Variants in KCNK12 observed in about 807,000 individuals in gnomAD.
KCNK12 encodes the protein potassium two pore domain channel subfamily K member 12.
Under a neutral mutation model 25.3 loss-of-function variants are expected in KCNK12, and 6 were observed. That is an observed-to-expected ratio of 0.24 (90% CI 0.13 to 0.47). KCNK12 has a LOEUF of 0.47. KCNK12 is among the 20% of genes least tolerant of loss of function. The pLI is 0.99. For synonymous variants in KCNK12, 331 were observed against 311.1 expected, an observed-to-expected ratio of 1.06 and a Z score of -0.67; for missense variants, 444 against 661.7, an observed-to-expected ratio of 0.67 and a Z score of 3.61.
chr2:47,534,567 A>G (rs902728277), intron 1 of KCNK12, among the ~76,000 whole-genome samples: 1 of 103,888 alleles, frequency 9.6e-6, no homozygotes. Context: ...ATCTCAGCCC[A>G]GAATTTTGGG....
Position 47,515,896 on chromosome 2 carries a change from A to G in KCNK12, c.*5011T>C, listed in dbSNP as rs1668513979. ...TGACACTGTGGGAAGGACCCCATGC[A>G]GAAGCAATAGGGCAGCCTGGTCCCA... On this transcript the variant is annotated 3_prime_UTR_variant, in exon 2 of 2. Transcript: ENST00000327876. Among the ~76,000 whole-genome samples, 2 of 152,262 alleles carry G rather than the reference A, an allele frequency of 1.3e-5. No individual in the cohort carries two copies. The highest frequency in any genetic ancestry group is 2.4e-5 in the African/African-American group (1 of 41,464).
intron 1 of KCNK12, among the ~76,000 whole-genome samples, chr2:47,545,914 CTTT>C (rs541242406): frequency 3.4e-5 from 5 of 145,076 alleles, no homozygotes; most frequent in African/African-American, 1.0e-4. Flanking sequence ...CACTTAACTT[CTTT>C]TTTTTTTTTT....
In KCNK12 at chr2:47,525,485, G is replaced by A. The variant is rs1384849918; in HGVS notation, c.392-3677C>T. Among the ~76,000 whole-genome samples the A allele has an allele frequency of 6.6e-6, 1 of 152,250 alleles. No homozygotes were observed. Among genetic ancestry groups the A allele is most frequent in the African/African-American group, 2.4e-5 (1 of 41,462 alleles). ...GCAGTGTCCCCTGGAGTCCAGAGCT[G>A]TGCTGGAGAGTTCTCTGGGTGGGAG... is the stretch of plus-strand genomic sequence containing the variant. On this transcript the variant is annotated intron_variant, in intron 1 of 1. Transcript: ENST00000327876. This position sits in a 1 kb window ranked among gnomAD's most constrained non-coding sequence, Gnocchi z 4.1.
At chr2:47,564,119 G>A (rs1298532020) in intron 1 of KCNK12, 1 of 231,808 alleles carries the variant, frequency 4.3e-6, no homozygotes, top group African/African-American at 2.2e-5. Flanking sequence ...GCTTGTTCGG[G>A]AGGCAGCTCA....
Position 47,538,565 on chromosome 2 carries a change from G to A in KCNK12, c.392-16757C>T, listed in dbSNP as rs1669127070. Reference sequence around the variant, plus strand: ...ACAGGTGGATCACTTGAGGTCAGGAGTTTGAGACCAGCCTGGCCAACATGG... The same window carrying A: ...ACAGGTGGATCACTTGAGGTCAGGAATTTGAGACCAGCCTGGCCAACATGG... On this transcript the variant is annotated intron_variant, in intron 1 of 1. Coordinates refer to ENST00000327876, the MANE Select transcript of KCNK12 (RefSeq NM_022055.2). The surrounding 1 kb of genome is among the most constrained non-coding windows in gnomAD (Gnocchi z 4.5). Among the ~76,000 whole-genome samples, 4 of 152,198 alleles carry A rather than the reference G, an allele frequency of 2.6e-5. No individual in the cohort carries two copies. Among genetic ancestry groups the A allele is most frequent in the Non-Finnish European group, 2.9e-5 (2 of 68,032 alleles).
rs1163905616 is a variant in KCNK12, at chr2:47,520,204, C to G, written c.*703G>C. ...CCCTCCTCACAGGTGCCCTGGACCG[C>G]CCACCATTAGAAGTAGCTGCCCTGT... is the stretch of plus-strand genomic sequence containing the variant. On this transcript the variant is annotated 3_prime_UTR_variant, in exon 2 of 2. Coordinates refer to ENST00000327876, the MANE Select transcript of KCNK12 (RefSeq NM_022055.2). The surrounding 1 kb of genome is among the most constrained non-coding windows in gnomAD (Gnocchi z 5.0). The G allele has an allele frequency of 3.9e-5, 6 of 152,298 alleles. No individual in the cohort carries two copies. Among genetic ancestry groups the G allele is most frequent in the Non-Finnish European group, 7.3e-5 (5 of 68,110 alleles). 9.4% of individuals were successfully genotyped at this position (152,298 alleles called of 1,614,324 possible).
chr2:47,567,557 G>A (rs1669808470), intron 1 of KCNK12, among the ~76,000 whole-genome samples: 1 of 152,186 alleles, frequency 6.6e-6, no homozygotes, highest in Non-Finnish European at 1.5e-5. Flanking sequence ...TTATCTGACT[G>A]ATGGAAGTGA....
intron 1 of KCNK12, among the ~76,000 whole-genome samples, chr2:47,537,315 T>G (rs1242649676): frequency 6.6e-6 from 1 of 151,316 alleles, no homozygotes. Context: ...TGCTCAGTTG[T>G]GAAAATGGGT....
chr2:47,539,743 G>A (rs891281870), intron 1 of KCNK12, among the ~76,000 whole-genome samples: 7 of 152,244 alleles, frequency 4.6e-5, no homozygotes, highest in Admixed American at 4.6e-4. Context: ...GGCTGCAGAA[G>A]GAGCCGAAAG....
chr2:47,531,263 A>T (rs1339302103), intron 1 of KCNK12, among the ~76,000 whole-genome samples: 2 of 152,134 alleles, frequency 1.3e-5, no homozygotes, highest in Non-Finnish European at 2.9e-5. Flanking sequence ...GCTTGAGCCC[A>T]GGAGTTCAAG....
intron 1 of KCNK12, chr2:47,564,607 C>A (rs1051348025): frequency 2.3e-4 from 42 of 186,344 alleles, no homozygotes; most frequent in African/African-American, 9.8e-4. Flanking sequence ...TTTCTTTTTC[C>A]TACAAAAGGC....
Position 47,510,146 on chromosome 2 carries a change from C to G in KCNK12, c.*10761G>C, listed in dbSNP as rs907874245. ...GAGAGCATTTTTTACCTTCTCCCTG[C>G]TACTTCTTGCTACTAGTAACATGGA... On this transcript the variant is annotated 3_prime_UTR_variant, in exon 2 of 2. Transcript: ENST00000327876. 3.9e-5 allele frequency: 6 copies of G among 152,158 alleles called. No individual in the cohort carries two copies. The highest frequency in any genetic ancestry group is 5.9e-5 in the Non-Finnish European group (4 of 68,024). The allele number at this position is 152,158 out of a possible 1,614,324, so 9.4% of individuals were successfully genotyped here. A position where few individuals can be genotyped will look rare whatever the true frequency, so the allele number is the denominator to read the frequency against.
intron 1 of KCNK12, chr2:47,527,822 C>CT (rs1464840743): frequency 6.6e-6 from 1 of 152,298 alleles, no homozygotes; most frequent in Admixed American, 6.5e-5. Flanking sequence ...CAACATCCAC[C>CT]TATTCATTCC....
chr2:47,558,721 G>C (rs943191772), intron 1 of KCNK12, among the ~76,000 whole-genome samples: 4 of 152,208 alleles, frequency 2.6e-5, no homozygotes, highest in Admixed American at 2.6e-4. Flanking sequence ...GTGCGATTCG[G>C]AGTTTGCGTT....
In KCNK12 at chr2:47,533,505, C is replaced by T. The variant is rs1441641249; in HGVS notation, c.392-11697G>A. On this transcript the variant is annotated intron_variant, in intron 1 of 1. Coordinates refer to ENST00000327876, the MANE Select transcript of KCNK12 (RefSeq NM_022055.2). This position sits in a 1 kb window ranked among gnomAD's most constrained non-coding sequence, Gnocchi z 4.7. Reference sequence around the variant, plus strand: ...CAGGCAAGGAATGGGCAAATCACGACATGACATATGGATTTCCATGGCAGG... The same window carrying T: ...CAGGCAAGGAATGGGCAAATCACGATATGACATATGGATTTCCATGGCAGG... 2.0e-5 allele frequency among the ~76,000 whole-genome samples: 3 copies of T among 152,226 alleles called. No individual in the cohort carries two copies. Among genetic ancestry groups the T allele is most frequent in the African/African-American group, 4.8e-5 (2 of 41,456 alleles).
At position 47,517,142 on chromosome 2, in the gene KCNK12, G is replaced by GT. The variant is rs1206532974; in HGVS notation, c.*3764dup. ...GTGTGTATGTGGAATTGTGCTTTTT[G>GT]TTTTTTAAGAATGTAAAAAGTTACA... On this transcript the variant is annotated 3_prime_UTR_variant, in exon 2 of 2. Coordinates refer to ENST00000327876, the MANE Select transcript of KCNK12 (RefSeq NM_022055.2). This position sits in a 1 kb window ranked among gnomAD's most constrained non-coding sequence, Gnocchi z 4.1. The GT allele has an allele frequency of 6.6e-6, 1 of 152,184 alleles. No individual in the cohort carries two copies. The highest frequency in any genetic ancestry group is 6.5e-5 in the Admixed American group (1 of 15,274). 9.4% of individuals were successfully genotyped at this position (152,184 alleles called of 1,614,324 possible). A position where few individuals can be genotyped will look rare whatever the true frequency, so the allele number is the denominator to read the frequency against.
At chr2:47,563,134 C>G (rs536731060) in intron 1 of KCNK12, 40 of 233,344 alleles carry the variant, frequency 1.7e-4, no homozygotes, top group African/African-American at 7.7e-4. Context: ...TTACTGAACA[C>G]TTACCCAAGG....
At chr2:47,546,257 T>C (rs529694006) in intron 1 of KCNK12, among the ~76,000 whole-genome samples, 7 of 152,358 alleles carry the variant, frequency 4.6e-5, no homozygotes, top group African/African-American at 1.4e-4. Flanking sequence ...GGTTATGCTA[T>C]TACTTTCCAA....
rs1668448428 is a variant in KCNK12 at position 47,513,317 on chromosome 2, GT to G, written c.*7589del. On this transcript the variant is annotated 3_prime_UTR_variant, in exon 2 of 2. Coordinates refer to ENST00000327876, the MANE Select transcript of KCNK12 (RefSeq NM_022055.2). Reference sequence around the variant, plus strand: ...TTTCCCTTTGCTAAATCTTGTGGGTGTTTTCTTCAGTCCTTGTCTTAATCAC... The same window carrying G: ...TTTCCCTTTGCTAAATCTTGTGGGTGTTTCTTCAGTCCTTGTCTTAATCAC... The G allele has an allele frequency of 6.6e-6, 1 of 152,178 alleles. No homozygotes were observed. Among genetic ancestry groups the G allele is most frequent in the South Asian group, 2.1e-4 (1 of 4,828 alleles). 9.4% of individuals were successfully genotyped at this position (152,178 alleles called of 1,614,324 possible).
Sources: allele counts gnomAD v4.1 joint callset (sites outside exome capture counted in the v4.1 genomes callset), GRCh38; gene constraint gnomAD v4.1.1; non-coding constraint Gnocchi (gnomAD v3.1); transcripts MANE v1.5; gene names NCBI Gene and HGNC (gene_info 2026-07-23, HGNC 2026-07-21).